GRIK5: variants seen among roughly 807,000 people sequenced by gnomAD.
GRIK5 encodes glutamate ionotropic receptor kainate type subunit 5.
GRIK5 carries 43 observed loss-of-function variants against 97.4 expected under a neutral mutation model. The ratio of observed to expected loss-of-function variants is 0.44; its 90% CI spans 0.35 to 0.57. The LOEUF (loss-of-function observed/expected upper bound fraction) is 0.57. Among genes scored for constraint, GRIK5 ranks in the 20% least tolerant of loss-of-function variants. The pLI is 0.01. For synonymous variants in GRIK5, 580 were observed against 583.5 expected, an observed-to-expected ratio of 0.99 and a Z score of 0.09; for missense variants, 1,015 against 1,382.0, an observed-to-expected ratio of 0.73 and a Z score of 4.21.
intron 15 of GRIK5, among the ~76,000 whole-genome samples, chr19:42,017,734 T>C (rs1342100626): frequency 6.6e-6 from 1 of 152,156 alleles, no homozygotes; most frequent in Non-Finnish European, 1.5e-5. Context: ...AGGGGTCGCA[T>C]GTGCGCCTGG....
At chr19:42,057,021 AC>A in intron 6 of GRIK5, 43 bp from the exon 7 acceptor site, 1 of 1,455,650 alleles carries the variant, frequency 6.9e-7, no homozygotes, top group Non-Finnish European at 9.4e-7. Flanking sequence ...AGAGACAGAG[AC>A]CCACAGGCAG....
intron 11 of GRIK5, among the ~76,000 whole-genome samples, chr19:42,051,396 C>T (rs1361688335): frequency 3.3e-5 from 5 of 152,148 alleles, no homozygotes; most frequent in African/African-American, 9.7e-5. Flanking sequence ...CACCTCTAAT[C>T]CCTAGCAGCA....
At chr19:42,067,184 C>T (rs2076346073) in intron 1 of GRIK5, among the ~76,000 whole-genome samples, 2 of 152,170 alleles carry the variant, frequency 1.3e-5, no homozygotes, top group African/African-American at 4.8e-5. Context: ...TGGGCCTGGA[C>T]ACCGGACCCC....
At chr19:42,040,295 C>CAGCT (rs1183622208) in intron 12 of GRIK5, among the ~76,000 whole-genome samples, 7 of 152,206 alleles carry the variant, frequency 4.6e-5, no homozygotes, top group Non-Finnish European at 1.0e-4. Context: ...AAAGGTCAGA[C>CAGCT]AGCTGTAAAT....
At chr19:42,040,462 A>G (rs963939590) in intron 12 of GRIK5, among the ~76,000 whole-genome samples, 1 of 152,376 alleles carries the variant, frequency 6.6e-6, no homozygotes, top group East Asian at 1.9e-4. Flanking sequence ...CTGTGGAAAC[A>G]GGTCACGAGG....
In GRIK5 at chr19:42,006,549, T is replaced by A. The variant is rs2146018230; in HGVS notation, c.2037+96A>T. The A allele has an allele frequency of 9.6e-7, 1 of 1,042,992 alleles. No homozygotes were observed. Among genetic ancestry groups the A allele is most frequent in the Non-Finnish European group, 1.4e-6 (1 of 692,764 alleles). The allele number at this position is 1,042,992 out of a possible 1,614,324, so 64.6% of individuals were successfully genotyped here. A position where few individuals can be genotyped will look rare whatever the true frequency, so the allele number is the denominator to read the frequency against. ...CCTCCAGGCTGTCACTGACAATCAG[T>A]CCCTCTGACCCAGGAGACCCTGCCC... On this transcript the variant is annotated intron_variant, in intron 16 of 19. Coordinates refer to ENST00000593562, the MANE Select transcript of GRIK5 (RefSeq NM_002088.5). The surrounding 1 kb of genome is among the most constrained non-coding windows in gnomAD (Gnocchi z 5.3).
chr19:42,035,312 T>C (rs1391472555), intron 12 of GRIK5, among the ~76,000 whole-genome samples: 1 of 152,062 alleles, frequency 6.6e-6, no homozygotes, highest in East Asian at 1.9e-4. Context: ...ATGAGGCAGA[T>C]CTATGTGTAC....
chr19:42,022,114 C>T lies in GRIK5; in HGVS notation c.1588-58G>A. The T allele has an allele frequency of 7.0e-7, 1 of 1,428,760 alleles. No homozygotes were observed. The highest frequency in any genetic ancestry group is 9.8e-7 in the Non-Finnish European group (1 of 1,023,678). 88.5% of individuals were successfully genotyped at this position (1,428,760 alleles called of 1,614,324 possible). ...CCCTGGCCTGAGCCTCACACCCAGC[C>T]CCTGCCCTACCAGGGACCTGGGAGC... On this transcript the variant is annotated intron_variant, in intron 13 of 19. Coordinates refer to ENST00000593562, the MANE Select transcript of GRIK5 (RefSeq NM_002088.5). This position sits in a 1 kb window ranked among gnomAD's most constrained non-coding sequence, Gnocchi z 4.2.
rs782392963 is a variant in GRIK5 at position 42,003,310 on chromosome 19, C to T, written c.2514+22G>A. ...CCCTGGGGGTCCCTGTTCCTGCCCA[C>T]CCCCACCCCCAGCCTCCTCACCTCC... On this transcript the variant is annotated intron_variant, in intron 19 of 19. Transcript: ENST00000593562. The surrounding 1 kb of genome is among the most constrained non-coding windows in gnomAD (Gnocchi z 4.2). 5 of 1,565,986 alleles carry T rather than the reference C, an allele frequency of 3.2e-6. No individual in the cohort carries two copies. Among genetic ancestry groups the T allele is most frequent in the South Asian group, 1.1e-5 (1 of 89,718 alleles).
In GRIK5 at chr19:42,062,525, G is replaced by C. The variant is rs750870237; in HGVS notation, c.471C>G (p.Asn157Lys). The change falls in exon 5 of 20, where the codon AAC (asparagine) becomes AAG (lysine). Residue 157 changes from asparagine (N) to lysine (K), a missense_variant. Physicochemically the swap from Asn to Lys is moderately conservative, Grantham distance 94. This residue lies in a region of GRIK5 where 198 missense variants were observed against 218.2 expected (regional missense o/e 0.91). Coordinates refer to ENST00000593562, the MANE Select transcript of GRIK5 (RefSeq NM_002088.5). This position sits in a 1 kb window ranked among gnomAD's most constrained non-coding sequence, Gnocchi z 5.3. ...LAVSRILKSF[N>K]YPSASLICAK... ...CGCAGATGAGGCTGGCCGAGGGGTA[G>C]TTGAAGGACTTGAGGATTCGGGAGA... The C allele has an allele frequency of 6.2e-7, 1 of 1,614,192 alleles. No homozygotes were observed. The highest frequency in any genetic ancestry group is 2.2e-5 in the East Asian group (1 of 44,888).
chr19:42,021,846 G>A lies in GRIK5; in HGVS notation c.1697+101C>T. 2 of 715,476 alleles carry A rather than the reference G, an allele frequency of 2.8e-6. No homozygotes were observed. The highest frequency in any genetic ancestry group is 4.8e-6 in the Non-Finnish European group (2 of 416,970). The allele number at this position is 715,476 out of a possible 1,614,324, so 44.3% of individuals were successfully genotyped here. A position where few individuals can be genotyped will look rare whatever the true frequency, so the allele number is the denominator to read the frequency against. Reference sequence around the variant, plus strand: ...ACAGGGAATCCGAGGCCCCAAAGGGGAGGCCAAGGACAGTTCCGAGAGAGA... The same window carrying A: ...ACAGGGAATCCGAGGCCCCAAAGGGAAGGCCAAGGACAGTTCCGAGAGAGA... On this transcript the variant is annotated intron_variant, in intron 14 of 19. Transcript: ENST00000593562. The surrounding 1 kb of genome is among the most constrained non-coding windows in gnomAD (Gnocchi z 4.2).
intron 8 of GRIK5, among the ~76,000 whole-genome samples, chr19:42,055,313 T>A (rs1309738624): frequency 6.6e-6 from 1 of 152,194 alleles, no homozygotes; most frequent in East Asian, 1.9e-4. Context: ...GTGTGTGATG[T>A]CCCTGTGTGG....
At chr19:42,025,249 A>G (rs183148070) in intron 12 of GRIK5, among the ~76,000 whole-genome samples, 2 of 152,046 alleles carry the variant, frequency 1.3e-5, no homozygotes, top group East Asian at 3.9e-4. Context: ...ATGCAGAGGG[A>G]CCTCCATTTC....
At chr19:42,008,567 C>T (rs1599749310) in intron 15 of GRIK5, among the ~76,000 whole-genome samples, 1 of 151,432 alleles carries the variant, frequency 6.6e-6, no homozygotes, top group East Asian at 2.0e-4. Flanking sequence ...GTGGAGGTCG[C>T]AGTGAACCGA....
rs1005734858 is a variant in GRIK5 at position 42,044,356 on chromosome 19, G to A, written c.1270-1601C>T. 3.0e-4 allele frequency among the ~76,000 whole-genome samples: 45 copies of A among 152,156 alleles called. 3 individuals are homozygous for A. The highest frequency in any genetic ancestry group is 4.4e-5 in the Non-Finnish European group (3 of 68,042). ...AATACCAATTATTATTAAATGTTCT[G>A]CAGGCCAAAACAAACACAGTTTCTA... On this transcript the variant is annotated intron_variant, in intron 11 of 19. Transcript: ENST00000593562.
intron 15 of GRIK5, among the ~76,000 whole-genome samples, chr19:42,015,492 G>GA (rs1435679416): frequency 6.6e-6 from 1 of 152,194 alleles, no homozygotes; most frequent in Admixed American, 6.6e-5. Context: ...ATCAATCATA[G>GA]AAAGATCTCT....
intron 5 of GRIK5, among the ~76,000 whole-genome samples, chr19:42,061,062 T>A (rs914445285): frequency 5.3e-5 from 8 of 151,924 alleles, no homozygotes; most frequent in East Asian, 1.9e-4. Context: ...TTATTTATTT[T>A]TTTGAGACGG....
At chr19:42,051,719 C>G (rs557670910) in intron 11 of GRIK5, among the ~76,000 whole-genome samples, 1 of 152,338 alleles carries the variant, frequency 6.6e-6, no homozygotes, top group East Asian at 1.9e-4. Flanking sequence ...AGGTCTTGCC[C>G]AGAAACCCAT....
Position 42,022,202 on chromosome 19 carries a change from T to A in GRIK5, c.1587+39A>T. 1 of 1,534,986 alleles carries A rather than the reference T, an allele frequency of 6.5e-7. No homozygotes were observed. The highest frequency in any genetic ancestry group is 9.0e-7 in the Non-Finnish European group (1 of 1,108,514). ...CCCACTCGCAGGCCCTGAGCCTCCA[T>A]GCCAGGCAAGCAGCCCATGGTCTCC... On this transcript the variant is annotated intron_variant, in intron 13 of 19. Transcript: ENST00000593562. The surrounding 1 kb of genome is among the most constrained non-coding windows in gnomAD (Gnocchi z 4.2).
Sources: allele counts gnomAD v4.1 joint callset (sites outside exome capture counted in the v4.1 genomes callset), GRCh38; gene constraint gnomAD v4.1.1; regional missense constraint gnomAD v4.1.1; non-coding constraint Gnocchi (gnomAD v3.1); transcripts MANE v1.5; gene names NCBI Gene and HGNC (gene_info 2026-07-23, HGNC 2026-07-21).